TMEM132B: variants seen among roughly 807,000 people sequenced by gnomAD.
TMEM132B encodes transmembrane protein 132B.
In TMEM132B, 18 loss-of-function variants were observed where a neutral mutation model predicts 90.8. That is an observed-to-expected ratio of 0.20 (90% CI 0.14 to 0.29). TMEM132B has a LOEUF of 0.29. Ranked by LOEUF, TMEM132B falls within the 10% of genes least tolerant of loss-of-function variation. The pLI is 1.00. For synonymous variants in TMEM132B, 504 were observed against 523.3 expected (o/e 0.96, Z 0.50); for missense variants, 1,096 against 1,326.8 (o/e 0.83, Z 2.70).
At chr12:125,590,839 C>T (rs558817897) in intron 5 of TMEM132B, among the ~76,000 whole-genome samples, 2 of 152,218 alleles carry the variant, frequency 1.3e-5, no homozygotes, top group South Asian at 2.1e-4. Flanking sequence ...TACTACTATT[C>T]GAAGTTTATA....
At chr12:125,358,655 T>C (rs746770957) in intron 2 of TMEM132B, among the ~76,000 whole-genome samples, 5 of 152,232 alleles carry the variant, frequency 3.3e-5, no homozygotes, top group Non-Finnish European at 7.3e-5. Context: ...TTGGCCAGAA[T>C]ACCAGTGAAG....
At chr12:125,381,406 A>C (rs535717504) in intron 2 of TMEM132B, among the ~76,000 whole-genome samples, 52 of 152,264 alleles carry the variant, frequency 3.4e-4, no homozygotes, top group Non-Finnish European at 5.9e-4. Flanking sequence ...ACGTCATACC[A>C]CTGGGGTGCT....
rs1881375495 is a variant in TMEM132B at position 125,459,266 on chromosome 12, G to A, written c.1106+43589G>A. On this transcript the variant is annotated intron_variant, in intron 3 of 8. Coordinates refer to ENST00000682704, the MANE Select transcript of TMEM132B (RefSeq NM_001366854.1). This position sits in a 1 kb window ranked among gnomAD's most constrained non-coding sequence, Gnocchi z 4.1. ...GTGGGGAACCGCCAGCATGTCCTTGGCTCAAGTCACTCTGGAGGTCCCAGG... is the reference window on the plus strand; with the variant it reads ...GTGGGGAACCGCCAGCATGTCCTTGACTCAAGTCACTCTGGAGGTCCCAGG... 6.6e-6 allele frequency among the ~76,000 whole-genome samples: 1 copy of A among 152,150 alleles called. No homozygotes were observed. Among genetic ancestry groups the A allele is most frequent in the Admixed American group, 6.5e-5 (1 of 15,282 alleles).
At chr12:125,557,472 G>A (rs1179623027) in intron 4 of TMEM132B, among the ~76,000 whole-genome samples, 1 of 152,040 alleles carries the variant, frequency 6.6e-6, no homozygotes, top group African/African-American at 2.4e-5. Flanking sequence ...ATATCATCTG[G>A]GTCAATTATC....
intron 2 of TMEM132B, among the ~76,000 whole-genome samples, chr12:125,401,466 G>C (rs1293317931): frequency 6.6e-6 from 1 of 152,118 alleles, no homozygotes; most frequent in Non-Finnish European, 1.5e-5. Flanking sequence ...AGATTGGGTG[G>C]TCTAGGAAAA....
rs1012984002 is a variant in TMEM132B at position 125,259,010 on chromosome 12, A to G, written c.67+72144A>G. On this transcript the variant is annotated intron_variant, in intron 1 of 8. Transcript: ENST00000682704. The stretch of plus-strand genomic sequence containing the variant: ...AGCAGTCAGCAACAACACCATGGCC[A>G]GTTGGGATGGACGTCAGCTGTGAAC... Among the ~76,000 whole-genome samples the G allele has an allele frequency of 9.9e-5, 15 of 152,178 alleles. 1 individual carries two copies. Among genetic ancestry groups the G allele is most frequent in the Admixed American group, 9.8e-4 (15 of 15,286 alleles).
intron 4 of TMEM132B, among the ~76,000 whole-genome samples, chr12:125,573,776 C>T (rs1884863527): frequency 1.3e-5 from 2 of 152,138 alleles, no homozygotes; most frequent in Non-Finnish European, 2.9e-5. Flanking sequence ...CATAATTCCA[C>T]CTGTGTTTCA....
rs78915764 is a variant in TMEM132B, at chr12:125,270,572, G to C, written c.68-78880G>C. On this transcript the variant is annotated intron_variant, in intron 1 of 8. Transcript: ENST00000682704. ...AATCCAAGGCTGCATGACCCAGGTG[G>C]TTACCACTGTAGGCCTTGGGATTCC... Among the ~76,000 whole-genome samples the C allele has an allele frequency of 1.4e-4, 21 of 152,310 alleles. 1 individual carries two copies. In the East Asian group the frequency reaches 3.7e-3, roughly 27 times the overall value.
At chr12:125,509,239 A>G (rs1882919767) in intron 3 of TMEM132B, among the ~76,000 whole-genome samples, 1 of 152,194 alleles carries the variant, frequency 6.6e-6, no homozygotes. Flanking sequence ...GAACTGTGGT[A>G]TCAGAGGTGT....
chr12:125,360,862 A>C (rs73424755), intron 2 of TMEM132B, among the ~76,000 whole-genome samples: 9,190 of 151,880 alleles, frequency 0.061, 873 homozygotes, highest in African/African-American at 0.2. Context: ...AGTGATTAGA[A>C]TCAATAAGGC....
At position 125,349,519 on chromosome 12, in the gene TMEM132B, G is replaced by A. The variant is rs763711210; in HGVS notation, c.135G>A (p.Thr45=). 5.0e-6 allele frequency: 8 copies of A among 1,613,986 alleles called. No individual in the cohort carries two copies. Among genetic ancestry groups the A allele is most frequent in the South Asian group, 1.1e-5 (1 of 91,064 alleles). ...KFSSLPAYLP[T]NLHISNAEES... ...CCTCGCTCCCTGCTTACCTCCCCAC[G>A]AACTTGCACATCTCCAATGCAGAGG... The change falls in exon 2 of 9, where the codon ACG becomes ACA. Residue 45 remains threonine, a synonymous_variant. Coordinates refer to ENST00000682704, the MANE Select transcript of TMEM132B (RefSeq NM_001366854.1). The surrounding 1 kb of genome is among the most constrained non-coding windows in gnomAD (Gnocchi z 4.1).
chr12:125,630,619 G>T (rs1393091970), intron 5 of TMEM132B, among the ~76,000 whole-genome samples: 7 of 152,018 alleles, frequency 4.6e-5, no homozygotes, highest in African/African-American at 1.7e-4. Flanking sequence ...AGGTTCAGGG[G>T]TATATGTGCA....
chr12:125,644,383 A>G lies in TMEM132B; in HGVS notation c.1643+102A>G, dbSNP rs1273889894. ...GGGACTCAAGCCATTGGGAAGCAAC[A>G]TCCACAGCGGGAAGCGTGGTCTGGG... On this transcript the variant is annotated intron_variant, in intron 6 of 8. Transcript: ENST00000682704. The G allele has an allele frequency of 4.6e-6, 6 of 1,314,074 alleles. No homozygotes were observed. The East Asian group carries it at 1.2e-4, about 27-fold the overall frequency. The allele number at this position is 1,314,074 out of a possible 1,614,324, so 81.4% of individuals were successfully genotyped here. A position where few individuals can be genotyped will look rare whatever the true frequency, so the allele number is the denominator to read the frequency against.
At chr12:125,622,380 G>A (rs1886130964) in intron 5 of TMEM132B, 1 of 696,052 alleles carries the variant, frequency 1.4e-6, no homozygotes, top group Non-Finnish European at 1.8e-6. Flanking sequence ...ACAAAGCAGA[G>A]TCTTTTAAAG....
At chr12:125,485,512 G>A (rs1882176779) in intron 3 of TMEM132B, among the ~76,000 whole-genome samples, 1 of 152,154 alleles carries the variant, frequency 6.6e-6, no homozygotes, top group Non-Finnish European at 1.5e-5. Flanking sequence ...ACCTTCCTTA[G>A]TGCCGGAACT....
chr12:125,225,254 C>T (rs970525323), intron 1 of TMEM132B, among the ~76,000 whole-genome samples: 7 of 152,208 alleles, frequency 4.6e-5, no homozygotes, highest in Admixed American at 6.5e-5. Context: ...GAGTATATAG[C>T]AGGGTGAGAG....
At chr12:125,335,117 A>C (rs530904919) in intron 1 of TMEM132B, among the ~76,000 whole-genome samples, 22 of 152,344 alleles carry the variant, frequency 1.4e-4, no homozygotes, top group African/African-American at 5.3e-4. Flanking sequence ...ACAGTATGTC[A>C]AATTGCAAAG....
rs1887038222 is a variant in TMEM132B at position 125,655,513 on chromosome 12, T to C, written c.*803T>C. 1 of 152,242 alleles carries C rather than the reference T, an allele frequency of 6.6e-6. No individual in the cohort carries two copies. The highest frequency in any genetic ancestry group is 2.4e-5 in the African/African-American group (1 of 41,474). The allele number at this position is 152,242 out of a possible 1,614,324, so 9.4% of individuals were successfully genotyped here. On this transcript the variant is annotated 3_prime_UTR_variant, in exon 9 of 9. Transcript: ENST00000682704. ...TAATATACAGTGAGGGAGGGCCATC[T>C]CTTTACTGTTTTCTATGTGAAGTTT... is the stretch of plus-strand genomic sequence containing the variant.
At chr12:125,376,333 G>A (rs1878480837) in intron 2 of TMEM132B, among the ~76,000 whole-genome samples, 1 of 152,024 alleles carries the variant, frequency 6.6e-6, no homozygotes, top group African/African-American at 2.4e-5. Context: ...ATAAATTTGA[G>A]TAAGCCCAGT....
Sources: gnomAD v4.1 joint callset for allele counts (sites outside exome capture counted in the v4.1 genomes callset) on GRCh38, gnomAD v4.1.1 for gene constraint, Gnocchi (gnomAD v3.1) non-coding constraint, MANE v1.5 for transcripts, NCBI Gene and HGNC (gene_info 2026-07-23, HGNC 2026-07-21) for gene names.